The following PPP2R2B variants were observed in gnomAD, a reference collection of about 807,000 sequenced individuals.
PPP2R2B encodes the protein protein phosphatase 2 regulatory subunit Bbeta, also known as serine/threonine-protein phosphatase 2A 55 kDa regulatory subunit B beta isoform.
In PPP2R2B, 5 loss-of-function variants were observed where a neutral mutation model predicts 46.0. The observed-to-expected ratio is 0.11, with a 90% CI of 0.06 to 0.23. The LOEUF is 0.23. Among genes scored for constraint, PPP2R2B ranks in the 10% least tolerant of loss-of-function variants. The pLI is 1.00. For synonymous variants in PPP2R2B, 215 were observed against 206.7 expected (o/e 1.04, Z -0.34); for missense variants, 367 against 575.0 (o/e 0.64, Z 3.70).
At chr5:147,070,481 T>A (rs2151910857) in intron 2 of PPP2R2B, among the ~76,000 whole-genome samples, 1 of 152,326 alleles carries the variant, frequency 6.6e-6, no homozygotes, top group South Asian at 2.1e-4. Flanking sequence ...TTCCATTAAC[T>A]AATAGCATAG....
At chr5:147,003,149 C>T (rs1219577693) in intron 1 of PPP2R2B, among the ~76,000 whole-genome samples, 2 of 152,086 alleles carry the variant, frequency 1.3e-5, no homozygotes, top group Non-Finnish European at 2.9e-5. Context: ...AAGGAGAATA[C>T]ACAACTATGC....
In PPP2R2B at chr5:146,859,776, G is replaced by C. The variant is rs190201271; in HGVS notation, c.70+18226C>G. 1.1e-3 allele frequency among the ~76,000 whole-genome samples: 173 copies of C among 152,170 alleles called. 1 individual carries two copies. In the East Asian group the frequency reaches 0.02, roughly 17 times the overall value. On this transcript the variant is annotated intron_variant, in intron 2 of 9. Transcript: ENST00000394411. ...ACATAAATAGCAGCTCAACAACATG[G>C]GCTCTTTGGGTTTCTATTCAAATTT...
intron 1 of PPP2R2B, among the ~76,000 whole-genome samples, chr5:147,014,637 C>T (rs1269026562): frequency 1.4e-5 from 2 of 146,588 alleles, no homozygotes; most frequent in Non-Finnish European, 3.0e-5. Context: ...ATCGCAAGAA[C>T]AAAAAACCAA....
At chr5:146,987,018 GAAAACAACAGAT>G (rs1307219997) in intron 1 of PPP2R2B, among the ~76,000 whole-genome samples, 11 of 152,052 alleles carry the variant, frequency 7.2e-5, no homozygotes, top group Non-Finnish European at 1.2e-4. Flanking sequence ...GAGAAAAGAA[GAAAACAACAGAT>G]AAAGGAGCTC....
chr5:146,615,419 G>A (rs1427549516), intron 7 of PPP2R2B, among the ~76,000 whole-genome samples: 1 of 115,040 alleles, frequency 8.7e-6, no homozygotes, highest in Non-Finnish European at 1.7e-5. Context: ...ACGTTAGTGG[G>A]TGCAGCGCAC....
At chr5:146,848,814 C>T (rs1012409963) in intron 2 of PPP2R2B, among the ~76,000 whole-genome samples, 2 of 151,998 alleles carry the variant, frequency 1.3e-5, no homozygotes, top group Non-Finnish European at 2.9e-5. Flanking sequence ...ATGTTATCTG[C>T]ACAATTTATC....
chr5:146,826,316 T>C (rs1758574833), intron 2 of PPP2R2B, among the ~76,000 whole-genome samples: 1 of 152,204 alleles, frequency 6.6e-6, no homozygotes, highest in Non-Finnish European at 1.5e-5. Flanking sequence ...TAAATCTAAA[T>C]GAGTCTTCTA....
chr5:146,866,215 A>C (rs755393583), intron 2 of PPP2R2B, among the ~76,000 whole-genome samples: 1 of 152,258 alleles, frequency 6.6e-6, no homozygotes, highest in Non-Finnish European at 1.5e-5. Flanking sequence ...CAAAATGGAG[A>C]TAATACCAAA....
intron 2 of PPP2R2B, among the ~76,000 whole-genome samples, chr5:146,858,846 T>A (rs892578395): frequency 6.6e-6 from 1 of 152,146 alleles, no homozygotes; most frequent in African/African-American, 2.4e-5. Context: ...TTCCAGAGAC[T>A]CTTCCACTTG....
chr5:146,669,587 C>T (rs1188410151), intron 5 of PPP2R2B, among the ~76,000 whole-genome samples: 10 of 151,924 alleles, frequency 6.6e-5, no homozygotes, highest in Non-Finnish European at 1.5e-5. Context: ...TTTTACCAAA[C>T]CTGGTGCTTG....
At chr5:146,736,812 G>A (rs1397689465) in intron 2 of PPP2R2B, among the ~76,000 whole-genome samples, 1 of 152,072 alleles carries the variant, frequency 6.6e-6, no homozygotes, top group Non-Finnish European at 1.5e-5. Flanking sequence ...ATTACCTAGT[G>A]GTATACATTT....
At chr5:146,860,567 G>A (rs964301820) in intron 2 of PPP2R2B, among the ~76,000 whole-genome samples, 1 of 152,118 alleles carries the variant, frequency 6.6e-6, no homozygotes, top group Non-Finnish European at 1.5e-5. Context: ...CACTTGACCT[G>A]CTGCCCCATA....
intron 1 of PPP2R2B, among the ~76,000 whole-genome samples, chr5:146,962,787 A>G (rs1294546221): frequency 6.6e-6 from 1 of 152,184 alleles, no homozygotes; most frequent in Non-Finnish European, 1.5e-5. Flanking sequence ...GGAACTTGCC[A>G]AAGGCCCAAA....
At chr5:146,996,361 G>A (rs961036418) in intron 1 of PPP2R2B, among the ~76,000 whole-genome samples, 1 of 152,146 alleles carries the variant, frequency 6.6e-6, no homozygotes, top group Non-Finnish European at 1.5e-5. Flanking sequence ...GGTATAATTA[G>A]ATAATTAGGT....
chr5:147,016,636 A>G (rs2151882162), intron 1 of PPP2R2B, among the ~76,000 whole-genome samples: 1 of 35,360 alleles, frequency 2.8e-5, no homozygotes, highest in African/African-American at 1.5e-4. Flanking sequence ...GTGCTATGGG[A>G]ACACAAAGGC....
Position 146,705,933 on chromosome 5 carries a change from CT to C in PPP2R2B, c.71-4792del, listed in dbSNP as rs747667342. ...TTTCATTTCAGAATATATCTTTTCT[CT>C]TTTTTTTTTTTTTGGCAGAGCTAGC... On this transcript the variant is annotated intron_variant, in intron 2 of 9. Transcript: ENST00000394411. Among the ~76,000 whole-genome samples, 1,182 of 139,150 alleles carry C rather than the reference CT, an allele frequency of 8.5e-3. 4 individuals carry two copies. The highest frequency in any genetic ancestry group is 0.03 in the Middle Eastern group (8 of 268). The allele number at this position is 139,150 out of a possible 152,430, so 91.3% of individuals were successfully genotyped here.
intron 2 of PPP2R2B, among the ~76,000 whole-genome samples, chr5:146,783,607 AT>A (rs1357756048): frequency 1.3e-5 from 2 of 152,168 alleles, no homozygotes; most frequent in Non-Finnish European, 2.9e-5. Flanking sequence ...GAGGCTGTAA[AT>A]TTTTTTAAGA....
chr5:146,684,663 ATCGTGGAAACTCCT>A (rs1778379448), intron 5 of PPP2R2B, among the ~76,000 whole-genome samples: 1 of 152,186 alleles, frequency 6.6e-6, no homozygotes, highest in South Asian at 2.1e-4. Context: ...CTCCAGATGC[ATCGTGGAAACTCCT>A]TCCTAATCCC....
intron 1 of PPP2R2B, among the ~76,000 whole-genome samples, chr5:146,902,559 T>C (rs1762868808): frequency 6.6e-6 from 1 of 152,220 alleles, no homozygotes; most frequent in Non-Finnish European, 1.5e-5. Flanking sequence ...GGTCTGGCTC[T>C]AGATATACAA....
Sources: gnomAD v4.1 joint callset for allele counts (sites outside exome capture counted in the v4.1 genomes callset) on GRCh38, gnomAD v4.1.1 for gene constraint, MANE v1.5 for transcripts, NCBI Gene and HGNC (gene_info 2026-07-23, HGNC 2026-07-21) for gene names.